Variants in LRBA observed in about 807,000 individuals in gnomAD.
The protein encoded by LRBA is lipopolysaccharide-responsive and beige-like anchor protein.
LRBA carries 176 observed loss-of-function variants against 330.0 expected under a neutral mutation model. That is an observed-to-expected ratio of 0.53 (90% CI 0.47 to 0.60). The LOEUF (loss-of-function observed/expected upper bound fraction) is 0.60, where lower values mean the gene tolerates loss of function less well. Among genes scored for constraint, LRBA ranks in the 20% least tolerant of loss-of-function variants. LRBA has a pLI of 0.00. For missense variants in LRBA, 3,259 were observed against 3,444.8 expected (o/e 0.95, Z 1.35); for synonymous variants, 1,230 against 1,193.0 (o/e 1.03, Z -0.64).
intron 2 of LRBA, among the ~76,000 whole-genome samples, chr4:150,949,839 A>G (rs769034773): frequency 6.6e-6 from 1 of 151,460 alleles, no homozygotes; most frequent in Non-Finnish European, 1.5e-5. Flanking sequence ...CTCCCTCCCT[A>G]CTCCAGCCAA....
At chr4:150,811,108 A>G (rs1156257022) in intron 31 of LRBA, among the ~76,000 whole-genome samples, 1 of 152,232 alleles carries the variant, frequency 6.6e-6, no homozygotes, top group African/African-American at 2.4e-5. Flanking sequence ...AGTACTTCAC[A>G]GACCCAATGG....
intron 36 of LRBA, among the ~76,000 whole-genome samples, chr4:150,692,857 C>T (rs1784259742): frequency 6.6e-6 from 1 of 152,130 alleles, no homozygotes; most frequent in Non-Finnish European, 1.5e-5. Flanking sequence ...GTGGTATATA[C>T]TTTTGCAAGA....
At chr4:150,434,448 C>CCAG (rs1440415345) in intron 46 of LRBA, among the ~76,000 whole-genome samples, 1 of 152,148 alleles carries the variant, frequency 6.6e-6, no homozygotes, top group East Asian at 1.9e-4. Context: ...GCTTTTAGAA[C>CCAG]CAGCAGCAGG....
intron 49 of LRBA, among the ~76,000 whole-genome samples, chr4:150,323,495 AG>A (rs1732831862): frequency 6.6e-6 from 1 of 152,216 alleles, no homozygotes; most frequent in Admixed American, 6.5e-5. Flanking sequence ...TCTCATGTGT[AG>A]GAAGAATGTC....
chr4:150,970,556 T>TGTGTACAC (rs1166996824), intron 2 of LRBA: 33 of 41,688 alleles, frequency 7.9e-4, no homozygotes, highest in African/African-American at 2.0e-3. Context: ...TGTGTGTGTG[T>TGTGTACAC]ACACACACAC....
At chr4:150,639,964 C>T (rs1778511218) in intron 37 of LRBA, among the ~76,000 whole-genome samples, 1 of 147,168 alleles carries the variant, frequency 6.8e-6, no homozygotes, top group South Asian at 2.2e-4. Flanking sequence ...TCAAGCGATT[C>T]TTTTGCCTCA....
At chr4:150,623,741 C>A (rs1048808335) in intron 37 of LRBA, among the ~76,000 whole-genome samples, 1 of 151,868 alleles carries the variant, frequency 6.6e-6, no homozygotes, top group Non-Finnish European at 1.5e-5. Context: ...AAAAAAAAAT[C>A]TTGCCAATTT....
intron 54 of LRBA, 117 bp downstream of exon 54, chr4:150,285,816 A>G (rs1428717158): frequency 1.8e-6 from 1 of 541,486 alleles, no homozygotes; most frequent in East Asian, 3.3e-5. Flanking sequence ...CCATATGACT[A>G]ATGGCTATCA....
chr4:150,963,238 C>G (rs1285682247), intron 2 of LRBA, among the ~76,000 whole-genome samples: 8 of 148,654 alleles, frequency 5.4e-5, no homozygotes, highest in East Asian at 1.9e-4. Flanking sequence ...GATGCCGAGC[C>G]GAGGCTGGAC....
chr4:150,545,760 A>T (rs1426961467), intron 40 of LRBA, among the ~76,000 whole-genome samples: 1 of 152,160 alleles, frequency 6.6e-6, no homozygotes, highest in African/African-American at 2.4e-5. Flanking sequence ...CATTAAAAAC[A>T]TGATCAAACA....
rs549307816 is a variant in LRBA, at chr4:150,741,654, C to T, written c.5646-6288G>A. On this transcript the variant is annotated intron_variant, in intron 35 of 56. Transcript: ENST00000651943. ...TAAAACTAATTTTTAAAATGTTGGA[C>T]TTTCATAAAGTAAAATGCTAAGTAG... 5.1e-4 allele frequency among the ~76,000 whole-genome samples: 78 copies of T among 152,102 alleles called. 1 individual carries two copies. Among genetic ancestry groups the T allele is most frequent in the Non-Finnish European group, 6.2e-4 (42 of 67,980 alleles).
Position 150,808,841 on chromosome 4 carries a change from G to A in LRBA, c.5306-443C>T, listed in dbSNP as rs1578851786. Among the ~76,000 whole-genome samples, 5 of 152,338 alleles carry A rather than the reference G, an allele frequency of 3.3e-5. No individual in the cohort carries two copies. In the South Asian group the frequency reaches 1.0e-3, roughly 32 times the overall value. ...CAAATCACTACTAAAGGACTAAATT[G>A]TAGCAATAAATGTAATCAGGGTTAG... On this transcript the variant is annotated intron_variant, in intron 31 of 56. Transcript: ENST00000651943.
intron 52 of LRBA, 100 bp from the exon 53 acceptor site, chr4:150,302,892 G>C (rs1252635428): frequency 9.2e-6 from 7 of 763,534 alleles, no homozygotes; most frequent in African/African-American, 1.8e-5. Context: ...GAACTCTGAT[G>C]GTCATAATTC....
At chr4:150,757,817 A>C (rs1396870440) in intron 35 of LRBA, among the ~76,000 whole-genome samples, 1 of 152,178 alleles carries the variant, frequency 6.6e-6, no homozygotes, top group Non-Finnish European at 1.5e-5. Context: ...TATTTCACTA[A>C]TGAATCTTAG....
At chr4:150,760,753 T>C (rs1734960081) in intron 35 of LRBA, among the ~76,000 whole-genome samples, 1 of 152,174 alleles carries the variant, frequency 6.6e-6, no homozygotes, top group Admixed American at 6.6e-5. Context: ...GGTTCCTGGT[T>C]AAGTTTTAAG....
chr4:150,658,611 C>G (rs1159945020), intron 37 of LRBA, among the ~76,000 whole-genome samples: 8 of 106 alleles, frequency 0.075, 3 homozygotes, highest in African/African-American at 0.33. Context: ...CTCTCCCTCT[C>G]CCTCTCCCTC....
At chr4:150,490,017 G>C (rs1039681458) in intron 41 of LRBA, among the ~76,000 whole-genome samples, 2 of 151,500 alleles carry the variant, frequency 1.3e-5, no homozygotes, top group African/African-American at 4.8e-5. Context: ...GCTCCTTTGG[G>C]ACAGCAAGGA....
chr4:150,834,014 A>T (rs1747609404), intron 28 of LRBA, among the ~76,000 whole-genome samples: 1 of 152,214 alleles, frequency 6.6e-6, no homozygotes, highest in African/African-American at 2.4e-5. Flanking sequence ...GCAACTCTTC[A>T]TTCGTTGGAG....
intron 16 of LRBA, among the ~76,000 whole-genome samples, chr4:150,894,877 C>G (rs1729892718): frequency 6.6e-6 from 1 of 152,022 alleles, no homozygotes; most frequent in Non-Finnish European, 1.5e-5. Context: ...TATATTTGGT[C>G]AGAAAAATCT....
Sources: gnomAD v4.1 joint callset for allele counts (sites outside exome capture counted in the v4.1 genomes callset) on GRCh38, gnomAD v4.1.1 for gene constraint, MANE v1.5 for transcripts, NCBI Gene and HGNC (gene_info 2026-07-23, HGNC 2026-07-21) for gene names.